ADAMTS19: variants seen among roughly 807,000 people sequenced by gnomAD.
ADAMTS19 encodes ADAM metallopeptidase with thrombospondin type 1 motif 19.
Under a neutral mutation model 153.3 loss-of-function variants are expected in ADAMTS19, and 93 were observed. The ratio of observed to expected loss-of-function variants is 0.61; its 90% CI spans 0.51 to 0.72. The LOEUF is 0.72. ADAMTS19 is among the 30% of genes least tolerant of loss of function. The pLI, the probability that ADAMTS19 is intolerant of heterozygous loss-of-function variation, is 0.00. For synonymous variants in ADAMTS19, 600 were observed against 556.6 expected, an observed-to-expected ratio of 1.08 and a Z score of -1.10; for missense variants, 1,482 against 1,552.1, an observed-to-expected ratio of 0.95 and a Z score of 0.76.
chr5:129,602,592 C>T lies in ADAMTS19; in HGVS notation c.1478+5928C>T, dbSNP rs1433641773. ...ATGAGAAAATAAACTAATAGAGATT[C>T]ATTTTTCAGTTTATGCAATATTAAT... On this transcript the variant is annotated intron_variant, in intron 8 of 22. Transcript: ENST00000274487. 4.6e-5 allele frequency among the ~76,000 whole-genome samples: 7 copies of T among 152,166 alleles called. No individual in the cohort carries two copies. The East Asian group carries it at 1.4e-3, about 29-fold the overall frequency.
intron 10 of ADAMTS19, among the ~76,000 whole-genome samples, chr5:129,626,419 C>T (rs1174544428): frequency 1.3e-5 from 2 of 151,954 alleles, no homozygotes; most frequent in Non-Finnish European, 2.9e-5. Context: ...CAGATTTTTT[C>T]CTTGATCTCT....
rs112364623 is a variant in ADAMTS19, at chr5:129,515,306, G to GT, written c.913+6074dup. Among the ~76,000 whole-genome samples, 120 of 147,084 alleles carry GT rather than the reference G, an allele frequency of 8.2e-4. 1 individual carries two copies. The highest frequency in any genetic ancestry group is 3.5e-3 in the Middle Eastern group (1 of 286). ...GTGATTCCATATAAGTTTTAGGACT[G>GT]TTTTTTTTTTCTAATTCTGTGAAGA... is the stretch of plus-strand genomic sequence containing the variant. On this transcript the variant is annotated intron_variant, in intron 3 of 22. Coordinates refer to ENST00000274487, the MANE Select transcript of ADAMTS19 (RefSeq NM_133638.6).
chr5:129,724,274 T>C (rs148574530), intron 21 of ADAMTS19, among the ~76,000 whole-genome samples: 372 of 152,346 alleles, frequency 2.4e-3, no homozygotes, highest in African/African-American at 8.5e-3. Context: ...TTGATTTCTT[T>C]CAGGGCCTGC....
intron 7 of ADAMTS19, among the ~76,000 whole-genome samples, chr5:129,591,638 T>C (rs1323275411): frequency 6.6e-6 from 1 of 151,988 alleles, no homozygotes; most frequent in Admixed American, 6.6e-5. Context: ...GCACCTTCAC[T>C]GCTTGTCATG....
At chr5:129,557,515 G>A (rs938239045) in intron 7 of ADAMTS19, among the ~76,000 whole-genome samples, 7 of 152,036 alleles carry the variant, frequency 4.6e-5, no homozygotes, top group Admixed American at 6.6e-5. Context: ...CAGGATGATC[G>A]CTTGAACCCA....
chr5:129,730,990 A>C (rs919571737), intron 21 of ADAMTS19, among the ~76,000 whole-genome samples: 3 of 151,242 alleles, frequency 2.0e-5, no homozygotes, highest in Admixed American at 6.6e-5. Flanking sequence ...ACAGAGTCTC[A>C]CTCTGTCACC....
chr5:129,530,509 T>C (rs1752162397), intron 6 of ADAMTS19, among the ~76,000 whole-genome samples: 2 of 152,098 alleles, frequency 1.3e-5, no homozygotes, highest in East Asian at 1.9e-4. Context: ...AGGAACAATG[T>C]TCAAATAAAT....
chr5:129,654,200 T>C, intron 13 of ADAMTS19, 106 bp from the exon 14 acceptor site: 1 of 1,074,834 alleles, frequency 9.3e-7, no homozygotes, highest in Admixed American at 2.9e-5. Flanking sequence ...TTAATTAGCA[T>C]TGAATTATAT....
chr5:129,734,889 T>C (rs1309529927), intron 21 of ADAMTS19, 43 bp from the exon 22 acceptor site: 9 of 1,440,990 alleles, frequency 6.2e-6, no homozygotes, highest in Non-Finnish European at 8.3e-6. Flanking sequence ...CAGCAAAAAA[T>C]AAAAATAAAA....
Position 129,684,110 on chromosome 5 carries a change from T to C in ADAMTS19, c.2665-10T>C, listed in dbSNP as rs780591543. ...GACCCATCTGCCTTGATCATTTTTG[T>C]ATACTATAGGTGCTCCTGTTTCAGG... On this transcript the variant is annotated splice_polypyrimidine_tract_variant and intron_variant, in intron 17 of 22. Transcript: ENST00000274487. The C allele has an allele frequency of 4.4e-6, 7 of 1,608,990 alleles. No individual in the cohort carries two copies. Among genetic ancestry groups the C allele is most frequent in the African/African-American group, 1.3e-5 (1 of 74,700 alleles).
At chr5:129,494,233 G>C (rs1750858106) in intron 2 of ADAMTS19, among the ~76,000 whole-genome samples, 1 of 152,088 alleles carries the variant, frequency 6.6e-6, no homozygotes, top group Admixed American at 6.6e-5. Context: ...AAGGATAGAG[G>C]CTATGGAGCT....
At chr5:129,550,757 G>A (rs985560847) in intron 6 of ADAMTS19, among the ~76,000 whole-genome samples, 3 of 151,330 alleles carry the variant, frequency 2.0e-5, no homozygotes, top group African/African-American at 7.3e-5. Context: ...CTGTAACAGA[G>A]AGGAAATTTT....
Position 129,641,961 on chromosome 5 carries a change from G to A in ADAMTS19, c.1872+1G>A. 6.3e-7 allele frequency: 1 copy of A among 1,578,732 alleles called. No homozygotes were observed. Among genetic ancestry groups the A allele is most frequent in the Middle Eastern group, 1.7e-4 (1 of 5,958 alleles). ...TGGAACTGACTGTGACCTTGGTAAG[G>A]TAAGTCATTTGTGTTGTCTGAATTT... On this transcript the variant is annotated splice_donor_variant, in intron 11 of 22. Transcript: ENST00000274487. LOFTEE classifies it high-confidence loss of function.
At chr5:129,622,506 C>T (rs1160717728) in intron 10 of ADAMTS19, among the ~76,000 whole-genome samples, 158 bp downstream of exon 10, 2 of 152,088 alleles carry the variant, frequency 1.3e-5, no homozygotes, top group Non-Finnish European at 2.9e-5. Context: ...TTTTCTTATA[C>T]TTTGGAAGCG....
At chr5:129,646,429 A>G (rs1581181804) in intron 11 of ADAMTS19, among the ~76,000 whole-genome samples, 1 of 152,164 alleles carries the variant, frequency 6.6e-6, no homozygotes, top group East Asian at 1.9e-4. Flanking sequence ...ACAAAACTAT[A>G]TGGTATAGTT....
rs531540848 is a variant in ADAMTS19 at position 129,605,745 on chromosome 5, T to C, written c.1478+9081T>C. ...TAGATAGTCAAGAAAATAACCAATA[T>C]AGCCCTAATAGAGTTTTACATTTGT... On this transcript the variant is annotated intron_variant, in intron 8 of 22. Coordinates refer to ENST00000274487, the MANE Select transcript of ADAMTS19 (RefSeq NM_133638.6). Among the ~76,000 whole-genome samples the C allele has an allele frequency of 1.2e-3, 175 of 152,124 alleles. 2 individuals carry two copies. The highest frequency in any genetic ancestry group is 3.8e-4 in the Non-Finnish European group (26 of 68,024).
chr5:129,677,756 T>G (rs901747524), intron 16 of ADAMTS19, among the ~76,000 whole-genome samples: 1 of 152,138 alleles, frequency 6.6e-6, no homozygotes, highest in Non-Finnish European at 1.5e-5. Flanking sequence ...CTGTGTAAAT[T>G]TACCCTACAC....
At chr5:129,657,947 AT>A (rs887675327) in intron 14 of ADAMTS19, among the ~76,000 whole-genome samples, 6 of 152,092 alleles carry the variant, frequency 3.9e-5, no homozygotes, top group African/African-American at 1.4e-4. Context: ...TCTCAATAAT[AT>A]TTTTTCCAAA....
At chr5:129,698,669 A>T (rs1302212665) in intron 19 of ADAMTS19, among the ~76,000 whole-genome samples, 1 of 152,216 alleles carries the variant, frequency 6.6e-6, no homozygotes, top group African/African-American at 2.4e-5. Context: ...TTACTTAAAA[A>T]TATGAGATTC....
Sources: allele counts gnomAD v4.1 joint callset (sites outside exome capture counted in the v4.1 genomes callset), GRCh38; gene constraint gnomAD v4.1.1; transcripts MANE v1.5; gene names NCBI Gene and HGNC (gene_info 2026-07-23, HGNC 2026-07-21).